GPC6: variants seen among roughly 807,000 people sequenced by gnomAD.
GPC6 encodes glypican 6.
In GPC6, 14 loss-of-function variants were observed where a neutral mutation model predicts 55.2. The observed-to-expected ratio is 0.25, with a 90% CI of 0.17 to 0.40. The LOEUF (loss-of-function observed/expected upper bound fraction) is 0.40. Among genes scored for constraint, GPC6 ranks in the 10% least tolerant of loss-of-function variants. The probability of loss-of-function intolerance (pLI) is 1.00; values close to 1 mark genes in which losing one functional copy is unlikely to be tolerated. For synonymous variants in GPC6, 278 were observed against 259.6 expected, an observed-to-expected ratio of 1.07 and a Z score of -0.68; for missense variants, 641 against 708.5, an observed-to-expected ratio of 0.90 and a Z score of 1.08.
chr13:94,372,804 A>C (rs1024875339), intron 6 of GPC6, among the ~76,000 whole-genome samples: 5 of 152,182 alleles, frequency 3.3e-5, no homozygotes, highest in African/African-American at 1.2e-4. Flanking sequence ...CTGCAGACTT[A>C]AATGTCCCTG....
chr13:94,239,687 T>C (rs1478501034), intron 4 of GPC6, among the ~76,000 whole-genome samples: 1 of 152,168 alleles, frequency 6.6e-6, no homozygotes, highest in Non-Finnish European at 1.5e-5. Context: ...GATAGTTTCC[T>C]GGGAATCTTA....
At chr13:93,832,844 C>G (rs986690594) in intron 3 of GPC6, among the ~76,000 whole-genome samples, 1 of 152,118 alleles carries the variant, frequency 6.6e-6, no homozygotes, top group Non-Finnish European at 1.5e-5. Flanking sequence ...ACACTGTATT[C>G]TCTCTCCCAC....
intron 4 of GPC6, among the ~76,000 whole-genome samples, chr13:94,266,257 C>T (rs1459390174): frequency 6.6e-6 from 1 of 152,006 alleles, no homozygotes; most frequent in Non-Finnish European, 1.5e-5. Context: ...CAAGCTCCGC[C>T]TCCCGGGTTC....
intron 1 of GPC6, among the ~76,000 whole-genome samples, chr13:93,458,809 T>C (rs1053213637): frequency 5.3e-5 from 8 of 152,172 alleles, no homozygotes; most frequent in Admixed American, 4.6e-4. Context: ...GAAAACAATA[T>C]ATTTTATGTT....
chr13:94,317,150 G>A lies in GPC6; in HGVS notation c.1152+11027G>A, dbSNP rs117203775. On this transcript the variant is annotated intron_variant, in intron 6 of 8. Coordinates refer to ENST00000377047, the MANE Select transcript of GPC6 (RefSeq NM_005708.5). Reference sequence around the variant, plus strand: ...AGGAATGTGTGTGTCATTGGCTTCTGCGTGGAATTATTTGCAAAATTGTAG... The same window carrying A: ...AGGAATGTGTGTGTCATTGGCTTCTACGTGGAATTATTTGCAAAATTGTAG... Among the ~76,000 whole-genome samples the A allele has an allele frequency of 2.2e-3, 336 of 152,296 alleles. 3 individuals carry two copies. Among genetic ancestry groups the A allele is most frequent in the Non-Finnish European group, 3.5e-3 (240 of 68,034 alleles).
chr13:93,963,257 A>AT (rs570509400), intron 3 of GPC6, among the ~76,000 whole-genome samples: 14 of 149,856 alleles, frequency 9.3e-5, no homozygotes, highest in South Asian at 4.2e-4. Context: ...GATGAGCTTT[A>AT]TTTTTTTTTT....
intron 5 of GPC6, among the ~76,000 whole-genome samples, chr13:94,301,061 T>G (rs1352526677): frequency 6.6e-6 from 1 of 152,200 alleles, no homozygotes; most frequent in African/African-American, 2.4e-5. Context: ...GAGGAAACCA[T>G]GGTCAAATAG....
At chr13:93,429,237 A>G (rs1204064522) in intron 1 of GPC6, among the ~76,000 whole-genome samples, 1 of 151,958 alleles carries the variant, frequency 6.6e-6, no homozygotes, top group Admixed American at 6.6e-5. Context: ...CATATTCTCT[A>G]AACTTTCTGA....
chr13:94,280,577 A>G (rs577195972), intron 4 of GPC6, among the ~76,000 whole-genome samples: 1 of 152,252 alleles, frequency 6.6e-6, no homozygotes, highest in South Asian at 2.1e-4. Context: ...GGCATTAATC[A>G]GCCTATACAT....
At chr13:93,914,017 T>G (rs1877152381) in intron 3 of GPC6, among the ~76,000 whole-genome samples, 1 of 152,222 alleles carries the variant, frequency 6.6e-6, no homozygotes, top group African/African-American at 2.4e-5. Context: ...TTTCACTGTT[T>G]TATTCTATTG....
intron 1 of GPC6, among the ~76,000 whole-genome samples, chr13:93,242,845 T>C (rs557114579): frequency 2.3e-4 from 35 of 152,152 alleles, no homozygotes; most frequent in Admixed American, 2.0e-3. Flanking sequence ...ATCCTGCTGT[T>C]CCTCTGGGTC....
At position 94,303,741 on chromosome 13, in the gene GPC6, T is replaced by C. The variant is rs890798040; in HGVS notation, c.1009-2239T>C. 3.4e-5 allele frequency among the ~76,000 whole-genome samples: 5 copies of C among 148,638 alleles called. No homozygotes were observed. The East Asian group carries it at 7.9e-4, about 23-fold the overall frequency. Reference sequence around the variant, plus strand: ...CTACTAGGCTATATTGACTAACCTATGTTCTGTAATAATTAACTCCCTCCA... The same window carrying C: ...CTACTAGGCTATATTGACTAACCTACGTTCTGTAATAATTAACTCCCTCCA... On this transcript the variant is annotated intron_variant, in intron 5 of 8. Transcript: ENST00000377047.
chr13:94,160,881 C>A (rs1417234058), intron 4 of GPC6, among the ~76,000 whole-genome samples: 2 of 152,158 alleles, frequency 1.3e-5, no homozygotes. Context: ...AAGATATCTT[C>A]CCAGATGACT....
intron 4 of GPC6, among the ~76,000 whole-genome samples, chr13:94,208,893 C>T (rs1409131788): frequency 6.6e-6 from 1 of 151,884 alleles, no homozygotes; most frequent in Non-Finnish European, 1.5e-5. Flanking sequence ...TGCTACTGCA[C>T]TCCAGCCTGG....
chr13:93,247,859 A>AT (rs1404947123), intron 1 of GPC6, among the ~76,000 whole-genome samples: 3 of 152,154 alleles, frequency 2.0e-5, no homozygotes, highest in Admixed American at 1.3e-4. Context: ...AAAATTGTAT[A>AT]TTTTTCTGTT....
chr13:93,267,462 A>G (rs987000718), intron 1 of GPC6, among the ~76,000 whole-genome samples: 1 of 151,814 alleles, frequency 6.6e-6, no homozygotes, highest in Admixed American at 6.6e-5. Context: ...TCCTCTTTAT[A>G]TATTGGAAGA....
chr13:93,619,419 AG>A (rs1390570644), intron 2 of GPC6, among the ~76,000 whole-genome samples: 1 of 152,174 alleles, frequency 6.6e-6, no homozygotes, highest in Non-Finnish European at 1.5e-5. Context: ...TTCAGAACTA[AG>A]GAAGTGTCTA....
At chr13:94,063,120 T>A (rs1006999380) in intron 4 of GPC6, among the ~76,000 whole-genome samples, 3 of 152,116 alleles carry the variant, frequency 2.0e-5, no homozygotes, top group African/African-American at 7.2e-5. Context: ...TTAGAAAGCA[T>A]TAGATTTTAG....
At chr13:93,910,471 G>A (rs1022986314) in intron 3 of GPC6, among the ~76,000 whole-genome samples, 6 of 152,064 alleles carry the variant, frequency 3.9e-5, no homozygotes, top group Non-Finnish European at 4.4e-5. Flanking sequence ...GGCGGGGGGT[G>A]GGTGTGTGTT....
Sources: allele counts gnomAD v4.1 joint callset (sites outside exome capture counted in the v4.1 genomes callset), GRCh38; gene constraint gnomAD v4.1.1; transcripts MANE v1.5; gene names NCBI Gene and HGNC (gene_info 2026-07-23, HGNC 2026-07-21).